The following RFX8 variants were observed in gnomAD, a reference collection of about 807,000 sequenced individuals.
RFX8 encodes the protein DNA-binding protein RFX8.
A neutral mutation model predicts 54.6 loss-of-function variants in RFX8; 46 were observed. That is an observed-to-expected ratio of 0.84 (90% CI 0.67 to 1.08). The LOEUF (loss-of-function observed/expected upper bound fraction) is 1.08, where lower values mean the gene tolerates loss of function less well. RFX8 is among the 50% of genes least tolerant of loss of function. The pLI, the probability that RFX8 is intolerant of heterozygous loss-of-function variation, is 0.00. For synonymous variants in RFX8, 192 were observed against 209.5 expected (o/e 0.92, Z 0.72); for missense variants, 536 against 562.3 (o/e 0.95, Z 0.47).
chr2:101,402,360 T>G (rs1215291416), intron 11 of RFX8, 76 bp downstream of exon 11: 2 of 1,204,984 alleles, frequency 1.7e-6, no homozygotes, highest in African/African-American at 3.1e-5. Context: ...AAAGTGATCT[T>G]GAGGGTTTTA....
intron 10 of RFX8, 103 bp downstream of exon 10, chr2:101,405,840 A>C (rs906795499): frequency 3.2e-6 from 2 of 633,638 alleles, no homozygotes; most frequent in Non-Finnish European, 5.2e-6. Flanking sequence ...AGAAAGGTTA[A>C]AAGAAGACGG....
At position 101,397,685 on chromosome 2, in the gene RFX8, C is replaced by T. The variant is rs1020479482; in HGVS notation, c.1285G>A (p.Ala429Thr). Residue 429 changes from alanine to threonine, a missense_variant, in exon 12 of 12, where the codon GCA (alanine) becomes ACA (threonine). Physicochemically the swap from Ala to Thr is moderately conservative, Grantham distance 58. Transcript: ENST00000428343. ...VLLEDETTES[A>T]VKLSLPMGQE... ...CCCATAGGAAGGCTGAGTTTAACTG[C>T]GCTTTCAGTGGTTTCATCTTCCAAC... 1.2e-5 allele frequency: 19 copies of T among 1,550,570 alleles called. No homozygotes were observed. In the Middle Eastern group the frequency reaches 5.0e-4, roughly 41 times the overall value.
intron 6 of RFX8, 51 bp from the exon 7 acceptor site, chr2:101,414,963 T>C (rs773530129): frequency 1.4e-6 from 2 of 1,390,954 alleles, no homozygotes; most frequent in Non-Finnish European, 2.0e-6. Flanking sequence ...CAAGTTCTCA[T>C]GTGGGCAGTG....
chr2:101,469,020 A>AAG (rs1689752844), intron 1 of RFX8, among the ~76,000 whole-genome samples: 7 of 100,738 alleles, frequency 6.9e-5, no homozygotes, highest in Admixed American at 2.2e-4. Context: ...ATATATAGGT[A>AAG]TATATATATA....
chr2:101,458,421 TCAG>T (rs1170462649), intron 2 of RFX8, among the ~76,000 whole-genome samples: 1 of 152,230 alleles, frequency 6.6e-6, no homozygotes, highest in Non-Finnish European at 1.5e-5. Flanking sequence ...ACAAAATCTC[TCAG>T]CATTTGCTTG....
chr2:101,455,083 T>G (rs1351292639), intron 2 of RFX8, among the ~76,000 whole-genome samples: 1 of 151,706 alleles, frequency 6.6e-6, no homozygotes, highest in Non-Finnish European at 1.5e-5. Context: ...CAATCTCAGC[T>G]CATTGCTACC....
intron 2 of RFX8, among the ~76,000 whole-genome samples, chr2:101,449,644 G>A (rs1238583554): frequency 1.3e-5 from 2 of 152,096 alleles, no homozygotes; most frequent in African/African-American, 4.8e-5. Flanking sequence ...GGTACCAGTG[G>A]GTCATCGAAG....
chr2:101,436,408 C>G (rs1687786578), intron 2 of RFX8, among the ~76,000 whole-genome samples: 1 of 152,140 alleles, frequency 6.6e-6, no homozygotes, highest in African/African-American at 2.4e-5. Context: ...CCTTGAACAG[C>G]CTGTGCACAG....
chr2:101,469,032 G>GTA (rs1214739754), intron 1 of RFX8, among the ~76,000 whole-genome samples: 7 of 22,528 alleles, frequency 3.1e-4, no homozygotes, highest in African/African-American at 5.5e-4. Context: ...ATATATATAC[G>GTA]TATATATATG....
intron 2 of RFX8, among the ~76,000 whole-genome samples, chr2:101,431,038 C>T (rs959129662): frequency 7.2e-5 from 11 of 152,146 alleles, no homozygotes; most frequent in African/African-American, 2.7e-4. Flanking sequence ...CATGCTACTC[C>T]TAATATGTTT....
chr2:101,466,560 C>A (rs1689584390), intron 2 of RFX8, among the ~76,000 whole-genome samples: 1 of 152,128 alleles, frequency 6.6e-6, no homozygotes, highest in Non-Finnish European at 1.5e-5. Flanking sequence ...CATTCCTCAT[C>A]CTTCCTGGCC....
intron 2 of RFX8, among the ~76,000 whole-genome samples, chr2:101,444,857 C>T (rs1387218026): frequency 6.6e-6 from 1 of 152,072 alleles, no homozygotes; most frequent in African/African-American, 2.4e-5. Flanking sequence ...AAGCATTTTC[C>T]CTGTATTAAT....
chr2:101,441,203 C>T (rs1688083439), intron 2 of RFX8, among the ~76,000 whole-genome samples: 1 of 152,174 alleles, frequency 6.6e-6, no homozygotes, highest in South Asian at 2.1e-4. Context: ...ATCTTCTGAC[C>T]TCATGATCCG....
At chr2:101,410,931 G>T (rs1184178490) in intron 8 of RFX8, among the ~76,000 whole-genome samples, 1 of 152,148 alleles carries the variant, frequency 6.6e-6, no homozygotes, top group Non-Finnish European at 1.5e-5. Context: ...TACCTGTTGT[G>T]AGCCACCTCT....
At chr2:101,415,252 C>T (rs971561477) in intron 6 of RFX8, among the ~76,000 whole-genome samples, 2 of 152,064 alleles carry the variant, frequency 1.3e-5, no homozygotes, top group African/African-American at 4.8e-5. Flanking sequence ...GTGATGAGGC[C>T]CCGAGTGTAC....
At chr2:101,422,979 C>T (rs549632363) in intron 2 of RFX8, among the ~76,000 whole-genome samples, 3 of 152,184 alleles carry the variant, frequency 2.0e-5, no homozygotes, top group East Asian at 3.9e-4. Context: ...ATTACAGGCC[C>T]GGGCATGGTG....
At chr2:101,406,168 G>A in intron 9 of RFX8, 111 bp from the exon 10 acceptor site, 1 of 597,656 alleles carries the variant, frequency 1.7e-6, no homozygotes, top group South Asian at 2.3e-5. Flanking sequence ...AAGAGCCAAA[G>A]AAGAGGAAGA....
At position 101,475,012 on chromosome 2, in the gene RFX8, T is replaced by C. The variant is rs1313044853; in HGVS notation, c.-429A>G. Among the ~76,000 whole-genome samples, 2 of 152,192 alleles carry C rather than the reference T, an allele frequency of 1.3e-5. No homozygotes were observed. Among genetic ancestry groups the C allele is most frequent in the Non-Finnish European group, 2.9e-5 (2 of 68,024 alleles). ...ACCTCAACGTGAGTCCCCATATCTG[T>C]AGCCAGGTCCTGCCAGTCCTTGCTC... On this transcript the variant is annotated 5_prime_UTR_variant, in exon 1 of 12. Coordinates refer to ENST00000428343, the MANE Select transcript of RFX8 (RefSeq NM_001145664.2).
intron 2 of RFX8, among the ~76,000 whole-genome samples, chr2:101,454,417 T>C (rs1179021080): frequency 6.6e-6 from 1 of 152,218 alleles, no homozygotes; most frequent in Non-Finnish European, 1.5e-5. Flanking sequence ...TACCCAGTAA[T>C]GGGATCGCTG....
Sources: allele counts gnomAD v4.1 joint callset (sites outside exome capture counted in the v4.1 genomes callset), GRCh38; gene constraint gnomAD v4.1.1; transcripts MANE v1.5; gene names NCBI Gene and HGNC (gene_info 2026-07-23, HGNC 2026-07-21).